The following CACNA1E variants were observed in gnomAD, a reference collection of about 807,000 sequenced individuals.
The protein encoded by CACNA1E is calcium voltage-gated channel subunit alpha1 E, also known as voltage-dependent R-type calcium channel subunit alpha-1E.
In CACNA1E, 40 loss-of-function variants were observed where a neutral mutation model predicts 259.2. That is an observed-to-expected ratio of 0.15 (90% CI 0.12 to 0.20). The LOEUF is 0.20. Ranked by LOEUF, CACNA1E falls within the 10% of genes least tolerant of loss-of-function variation. The pLI, the probability that CACNA1E is intolerant of heterozygous loss-of-function variation, is 1.00. For synonymous variants in CACNA1E, 1,104 were observed against 1,138.5 expected, an observed-to-expected ratio of 0.97 and a Z score of 0.61; for missense variants, 1,874 against 3,040.1, an observed-to-expected ratio of 0.62 and a Z score of 9.02.
At chr1:181,564,669 G>C (rs965212039) in intron 3 of CACNA1E, among the ~76,000 whole-genome samples, 6 of 152,158 alleles carry the variant, frequency 3.9e-5, no homozygotes, top group Admixed American at 3.3e-4. Flanking sequence ...GGTTCCAATT[G>C]ACTGTGACCA....
rs749155395 is a variant in CACNA1E at position 181,485,286 on chromosome 1, C to T, written c.266+1276C>T. 3.3e-5 allele frequency among the ~76,000 whole-genome samples: 5 copies of T among 152,152 alleles called. No homozygotes were observed. The highest frequency in any genetic ancestry group is 5.9e-5 in the Non-Finnish European group (4 of 68,028). On this transcript the variant is annotated intron_variant, in intron 1 of 47. Transcript: ENST00000367573. This position sits in a 1 kb window ranked among gnomAD's most constrained non-coding sequence, Gnocchi z 4.2. ...GGGTCTCTAGTATTAGCCAGACACGCGGCTCATTTCCCCCAGGGCCTGGGC... is the reference window on the plus strand; with the variant it reads ...GGGTCTCTAGTATTAGCCAGACACGTGGCTCATTTCCCCCAGGGCCTGGGC...
At chr1:181,585,777 G>A (rs193019403) in intron 6 of CACNA1E, among the ~76,000 whole-genome samples, 9 of 152,296 alleles carry the variant, frequency 5.9e-5, no homozygotes, top group African/African-American at 1.2e-4. Context: ...CGGGCTGGGT[G>A]TATTTGAAGA....
chr1:181,784,807 C>A, intron 41 of CACNA1E, 39 bp downstream of exon 41: 1 of 1,250,066 alleles, frequency 8.0e-7, no homozygotes, highest in Non-Finnish European at 1.1e-6. Flanking sequence ...CACTGTGGGC[C>A]CAGCATGTGA....
At chr1:181,737,461 G>A (rs1656148375) in intron 22 of CACNA1E, 64 bp from the exon 23 acceptor site, 5 of 1,589,806 alleles carry the variant, frequency 3.1e-6, no homozygotes, top group Non-Finnish European at 4.3e-6. Flanking sequence ...GTATGTGGGA[G>A]TGAGGAGTAA....
intron 1 of CACNA1E, among the ~76,000 whole-genome samples, chr1:181,491,467 A>G (rs1006068867): frequency 2.0e-5 from 3 of 152,210 alleles, no homozygotes; most frequent in Non-Finnish European, 4.4e-5. Flanking sequence ...CTTGGACATC[A>G]TGCTTTGAGA....
At chr1:181,604,955 C>A (rs939074444) in intron 6 of CACNA1E, among the ~76,000 whole-genome samples, 6 of 152,040 alleles carry the variant, frequency 3.9e-5, no homozygotes, top group Non-Finnish European at 7.4e-5. Flanking sequence ...TGAGAGAGGC[C>A]TCATTTGTCA....
At chr1:181,797,513 G>GT (rs1442882842) in intron 47 of CACNA1E, among the ~76,000 whole-genome samples, 1 of 152,200 alleles carries the variant, frequency 6.6e-6, no homozygotes, top group African/African-American at 2.4e-5. Context: ...CAGTCGAGAG[G>GT]TTTCCCTTCT....
At chr1:181,324,368 T>A (rs760572673) in intron 1 of CACNA1E, among the ~76,000 whole-genome samples, 2 of 152,184 alleles carry the variant, frequency 1.3e-5, no homozygotes, top group African/African-American at 4.8e-5. Context: ...GAGGAGGTGA[T>A]ATTTAAGCCG....
At chr1:181,752,063 T>G in intron 26 of CACNA1E, 80 bp from the exon 27 acceptor site, 1 of 997,306 alleles carries the variant, frequency 1.0e-6, no homozygotes, top group Non-Finnish European at 1.6e-6. Flanking sequence ...TTTAGCCTGT[T>G]GTTACTAATG....
intron 3 of CACNA1E, among the ~76,000 whole-genome samples, chr1:181,533,330 T>C (rs1345056226): frequency 6.8e-6 from 1 of 147,462 alleles, no homozygotes; most frequent in Non-Finnish European, 1.5e-5. Context: ...GTATGTGAGG[T>C]ATGACTATAC....
chr1:181,730,260 A>T (rs906921647), intron 18 of CACNA1E, among the ~76,000 whole-genome samples: 1 of 152,220 alleles, frequency 6.6e-6, no homozygotes, highest in African/African-American at 2.4e-5. Flanking sequence ...CCAACATCCC[A>T]GGTCCAAGCA....
intron 1 of CACNA1E, among the ~76,000 whole-genome samples, chr1:181,486,043 C>T (rs1408513542): frequency 6.6e-6 from 1 of 152,274 alleles, no homozygotes; most frequent in East Asian, 1.9e-4. Context: ...TTTCCTACAC[C>T]ACGTGGTCAC....
At chr1:181,568,039 C>T (rs1424376003) in intron 3 of CACNA1E, among the ~76,000 whole-genome samples, 1 of 152,026 alleles carries the variant, frequency 6.6e-6, no homozygotes, top group Non-Finnish European at 1.5e-5. Context: ...GCTTGAAAAT[C>T]ACCACTTTAT....
chr1:181,327,431 A>G (rs1009107848), intron 1 of CACNA1E, among the ~76,000 whole-genome samples: 1 of 152,296 alleles, frequency 6.6e-6, no homozygotes, highest in South Asian at 2.1e-4. Context: ...TGTTGCCATG[A>G]AGCTGAAGTG....
chr1:181,779,635 G>T, intron 38 of CACNA1E: 1 of 258,182 alleles, frequency 3.9e-6, no homozygotes. Context: ...GCCACATGAG[G>T]GAACCTTCAT....
chr1:181,541,524 G>A (rs1668581529), intron 3 of CACNA1E, among the ~76,000 whole-genome samples: 1 of 152,096 alleles, frequency 6.6e-6, no homozygotes, highest in Non-Finnish European at 1.5e-5. Flanking sequence ...GAAGTAAATT[G>A]ATGCTCATCT....
At position 181,675,361 on chromosome 1, in the gene CACNA1E, G is replaced by T. The variant is rs148436169; in HGVS notation, c.1055+23920G>T. Among the ~76,000 whole-genome samples the T allele has an allele frequency of 4.6e-5, 7 of 152,174 alleles. No homozygotes were observed. In the East Asian group the frequency reaches 5.8e-4, roughly 13 times the overall value. ...ACAGTGGGAACAGGGGTAATTTCAC[G>T]TACCCAGTAGGGACATGCTGTGCTA... On this transcript the variant is annotated intron_variant, in intron 7 of 47. Coordinates refer to ENST00000367573, the MANE Select transcript of CACNA1E (RefSeq NM_001205293.3).
chr1:181,521,449 C>G (rs1162777448), intron 3 of CACNA1E, among the ~76,000 whole-genome samples: 2 of 152,200 alleles, frequency 1.3e-5, no homozygotes, highest in Admixed American at 1.3e-4. Context: ...GAAGCCCACT[C>G]AGGGCTAAGC....
At chr1:181,736,127 T>G (rs1281982513) in intron 21 of CACNA1E, 148 bp from the exon 22 acceptor site, 3 of 812,374 alleles carry the variant, frequency 3.7e-6, no homozygotes, top group Non-Finnish European at 5.6e-6. Flanking sequence ...TGTCAGGTAG[T>G]AAATACCCCC....
Sources: allele counts gnomAD v4.1 joint callset (sites outside exome capture counted in the v4.1 genomes callset), GRCh38; gene constraint gnomAD v4.1.1; non-coding constraint Gnocchi (gnomAD v3.1); transcripts MANE v1.5; gene names NCBI Gene and HGNC (gene_info 2026-07-23, HGNC 2026-07-21).